Variants in TUNAR observed in about 807,000 individuals in gnomAD.
The protein encoded by TUNAR is transmembrane neural differentiation associated intracellular calcium regulator.
chr14:95,919,986 T>C (rs533012802), intron 2 of TUNAR, among the ~76,000 whole-genome samples: 90 of 152,340 alleles, frequency 5.9e-4, no homozygotes, highest in Non-Finnish European at 1.0e-3. Flanking sequence ...TTATTCATAA[T>C]AGCCCCAAAC....
rs1379611081 is a variant in TUNAR at position 95,877,181 on chromosome 14, A to T, written c.12+4A>T. The T allele has an allele frequency of 2.0e-5, 3 of 152,198 alleles. No individual in the cohort carries two copies. Among genetic ancestry groups the T allele is most frequent in the African/African-American group, 7.2e-5 (3 of 41,450 alleles). 9.4% of individuals were successfully genotyped at this position (152,198 alleles called of 1,614,324 possible). A position where few individuals can be genotyped will look rare whatever the true frequency, so the allele number is the denominator to read the frequency against. On this transcript the variant is annotated splice_donor_region_variant and intron_variant, in intron 2 of 2. Coordinates refer to ENST00000678517, the Ensembl canonical transcript of TUNAR. ...CCGCCTCCGGATGCGCTTCTCGGTAAGCCAGGCCCTCCGCCTCGCGAACAA... is the reference window on the plus strand; with the variant it reads ...CCGCCTCCGGATGCGCTTCTCGGTATGCCAGGCCCTCCGCCTCGCGAACAA...
chr14:95,898,549 A>G (rs1028266762), intron 2 of TUNAR, among the ~76,000 whole-genome samples: 2 of 151,756 alleles, frequency 1.3e-5, no homozygotes, highest in South Asian at 2.1e-4. Context: ...ATTCTTCTAC[A>G]TTTTTCTCAT....
intron 2 of TUNAR, among the ~76,000 whole-genome samples, chr14:95,888,195 C>T (rs1176657959): frequency 1.3e-5 from 2 of 152,200 alleles, no homozygotes; most frequent in East Asian, 3.8e-4. Context: ...ATAATAACAA[C>T]AATTAATGGT....
At chr14:95,920,940 G>A (rs1889688844) in intron 2 of TUNAR, among the ~76,000 whole-genome samples, 1 of 152,202 alleles carries the variant, frequency 6.6e-6, no homozygotes, top group Non-Finnish European at 1.5e-5. Context: ...GGATGAGTCA[G>A]CAAGCGGGAG....
intron 2 of TUNAR, among the ~76,000 whole-genome samples, chr14:95,904,071 C>A (rs1014799584): frequency 4.6e-5 from 7 of 152,212 alleles, no homozygotes; most frequent in African/African-American, 1.7e-4. Flanking sequence ...GAGTGAGTGG[C>A]CATCTATAAT....
At chr14:95,914,152 C>T (rs927194768) in intron 2 of TUNAR, among the ~76,000 whole-genome samples, 1 of 152,194 alleles carries the variant, frequency 6.6e-6, no homozygotes, top group Non-Finnish European at 1.5e-5. Context: ...GAAACCTAGT[C>T]AAAAACTGGA....
intron 2 of TUNAR, among the ~76,000 whole-genome samples, chr14:95,912,387 G>A (rs1889527729): frequency 6.6e-6 from 1 of 152,118 alleles, no homozygotes; most frequent in South Asian, 2.1e-4. Flanking sequence ...GCTACGTTCT[G>A]CATTCGACAC....
intron 2 of TUNAR, among the ~76,000 whole-genome samples, chr14:95,918,102 T>A (rs552826030): frequency 2.6e-5 from 4 of 152,386 alleles, no homozygotes; most frequent in Non-Finnish European, 4.4e-5. Flanking sequence ...TTTAATTTTT[T>A]AAATTTTATT....
chr14:95,890,760 A>G (rs1889166282), intron 2 of TUNAR, among the ~76,000 whole-genome samples: 1 of 152,228 alleles, frequency 6.6e-6, no homozygotes, highest in African/African-American at 2.4e-5. Context: ...ATAATTTAGA[A>G]AACAGGAAGA....
chr14:95,885,159 A>G (rs759612252), intron 2 of TUNAR, among the ~76,000 whole-genome samples: 1 of 152,244 alleles, frequency 6.6e-6, no homozygotes, highest in Non-Finnish European at 1.5e-5. Flanking sequence ...GAAAAAGGCC[A>G]GGAAAACTTC....
chr14:95,881,313 G>A (rs1391101224), intron 2 of TUNAR, among the ~76,000 whole-genome samples: 2 of 152,334 alleles, frequency 1.3e-5, no homozygotes, highest in East Asian at 3.9e-4. Flanking sequence ...GTTAGTGCTG[G>A]TGATTCTTTG....
chr14:95,888,520 G>C (rs569678515), intron 2 of TUNAR, among the ~76,000 whole-genome samples: 26 of 152,256 alleles, frequency 1.7e-4, no homozygotes, highest in African/African-American at 6.0e-4. Context: ...TTCCTCACTC[G>C]CATGTCTGGC....
At chr14:95,907,458 G>A (rs1387831269) in intron 2 of TUNAR, among the ~76,000 whole-genome samples, 1 of 152,182 alleles carries the variant, frequency 6.6e-6, no homozygotes, top group African/African-American at 2.4e-5. Context: ...GGGGCAAGGT[G>A]GGGGTATTGC....
chr14:95,880,833 A>G (rs1888967847), intron 2 of TUNAR, among the ~76,000 whole-genome samples: 1 of 152,172 alleles, frequency 6.6e-6, no homozygotes, highest in South Asian at 2.1e-4. Context: ...TCATTTTCAG[A>G]TAGAGAGGGC....
intron 2 of TUNAR, among the ~76,000 whole-genome samples, chr14:95,892,251 C>A (rs147183813): frequency 3.1e-4 from 47 of 152,340 alleles, no homozygotes; most frequent in Non-Finnish European, 4.9e-4. Flanking sequence ...CAATCCCCTG[C>A]TCAGGCCCAT....
chr14:95,885,883 C>T (rs990445738), intron 2 of TUNAR, among the ~76,000 whole-genome samples: 9 of 152,122 alleles, frequency 5.9e-5, no homozygotes, highest in African/African-American at 2.2e-4. Flanking sequence ...CGGGTGTAAC[C>T]TCAGGCACCA....
chr14:95,925,185 GA>G (rs1889767532), exon 3 of TUNAR: 1 of 152,240 alleles, frequency 6.6e-6, no homozygotes, highest in Admixed American at 6.5e-5. Context: ...CATTGTAGAA[GA>G]AGGAAAAAGG....
At chr14:95,916,364 A>T (rs1889604594) in intron 2 of TUNAR, among the ~76,000 whole-genome samples, 1 of 152,182 alleles carries the variant, frequency 6.6e-6, no homozygotes, top group South Asian at 2.1e-4. Context: ...CTTCCCACAT[A>T]AGTGGGAACA....
chr14:95,925,570 T>C (rs954000048), exon 3 of TUNAR: 1 of 152,040 alleles, frequency 6.6e-6, no homozygotes, highest in Non-Finnish European at 1.5e-5. Flanking sequence ...TGGAAAAAAA[T>C]ACTCGATGTC....
Sources: gnomAD v4.1 joint callset for allele counts (sites outside exome capture counted in the v4.1 genomes callset) on GRCh38, gnomAD v4.1.1 for gene constraint, MANE v1.5 for transcripts, NCBI Gene and HGNC (gene_info 2026-07-23, HGNC 2026-07-21) for gene names.